Variants in CAB39 observed in about 807,000 individuals in gnomAD.
CAB39 encodes calcium binding protein 39, also known as calcium-binding protein 39.
Under a neutral mutation model 40.0 loss-of-function variants are expected in CAB39, and 8 were observed. The ratio of observed to expected loss-of-function variants is 0.20; its 90% CI spans 0.12 to 0.36. The LOEUF (loss-of-function observed/expected upper bound fraction) is 0.36, where lower values mean the gene tolerates loss of function less well. CAB39 is among the 10% of genes least tolerant of loss of function. The pLI is 1.00. For synonymous variants in CAB39, 156 were observed against 141.6 expected, an observed-to-expected ratio of 1.10 and a Z score of -0.72; for missense variants, 270 against 401.1, an observed-to-expected ratio of 0.67 and a Z score of 2.79.
chr2:230,716,562 A>G (rs1431988882), intron 1 of CAB39, among the ~76,000 whole-genome samples: 1 of 152,134 alleles, frequency 6.6e-6, no homozygotes. Context: ...TTATTTTTTA[A>G]TTTAAAAAAT....
chr2:230,714,177 A>G (rs1694306828), intron 1 of CAB39: 1 of 152,208 alleles, frequency 6.6e-6, no homozygotes, highest in African/African-American at 2.4e-5. Context: ...TTGGGGCCAG[A>G]TCCTTGAATG....
intron 1 of CAB39, among the ~76,000 whole-genome samples, chr2:230,753,743 CAAAAAAAAAAAAAAAA>C (rs1695131446): frequency 1.2e-5 from 1 of 85,524 alleles, no homozygotes; most frequent in African/African-American, 3.8e-5. Flanking sequence ...GACTCCATCT[CAAAAAAAAAAAAAAAA>C]GAAAAGAAAA....
intron 2 of CAB39, among the ~76,000 whole-genome samples, chr2:230,785,359 A>G (rs1404921042): frequency 1.0e-5 from 1 of 99,098 alleles, no homozygotes; most frequent in Non-Finnish European, 1.9e-5. Context: ...TGTGGGTAGT[A>G]GCTGGGCAGG....
At chr2:230,750,577 T>G (rs1695068314) in intron 1 of CAB39, among the ~76,000 whole-genome samples, 1 of 152,190 alleles carries the variant, frequency 6.6e-6, no homozygotes, top group African/African-American at 2.4e-5. Flanking sequence ...CTTTTATTTT[T>G]TTTTTACTTC....
chr2:230,779,488 C>T (rs1365537889), intron 2 of CAB39: 1 of 152,222 alleles, frequency 6.6e-6, no homozygotes, highest in Admixed American at 6.5e-5. Context: ...GGGCTGTTCT[C>T]TTATGCCTTT....
chr2:230,727,444 T>TTGC (rs1694607131), intron 1 of CAB39, among the ~76,000 whole-genome samples: 1 of 148,884 alleles, frequency 6.7e-6, no homozygotes, highest in African/African-American at 2.5e-5. Context: ...AGACAGGGTC[T>TTGC]TGCTCTATCA....
At chr2:230,714,013 G>C (rs555509680) in intron 1 of CAB39, 6 of 152,476 alleles carry the variant, frequency 3.9e-5, no homozygotes, top group Non-Finnish European at 8.8e-5. Flanking sequence ...GCTGAGCAGA[G>C]TCTTGAAGGC....
intron 1 of CAB39, among the ~76,000 whole-genome samples, chr2:230,733,007 C>G (rs1050610746): frequency 6.6e-6 from 1 of 152,042 alleles, no homozygotes; most frequent in African/African-American, 2.4e-5. Context: ...CCAGGACTAA[C>G]AAATATTTAT....
chr2:230,737,249 G>T (rs1414793102), intron 1 of CAB39, among the ~76,000 whole-genome samples: 1 of 152,118 alleles, frequency 6.6e-6, no homozygotes, highest in Non-Finnish European at 1.5e-5. Context: ...ACCCTCACCT[G>T]CTGCAGATCT....
chr2:230,790,830 A>G (rs773163267), intron 2 of CAB39, 42 bp from the exon 3 acceptor site: 1 of 1,524,294 alleles, frequency 6.6e-7, no homozygotes, highest in Non-Finnish European at 8.9e-7. Context: ...GTTAAAATGA[A>G]TTGTTTTTTC....
At chr2:230,811,123 A>C (rs897331333) in intron 6 of CAB39, among the ~76,000 whole-genome samples, 4 of 152,232 alleles carry the variant, frequency 2.6e-5, no homozygotes, top group Non-Finnish European at 5.9e-5. Flanking sequence ...GGTTAGAAGA[A>C]TGACAATCCA....
At chr2:230,812,458 C>T (rs928277416) in intron 6 of CAB39, among the ~76,000 whole-genome samples, 1 of 152,188 alleles carries the variant, frequency 6.6e-6, no homozygotes, top group Non-Finnish European at 1.5e-5. Context: ...CACATACATA[C>T]TTTTCAGGCA....
intron 2 of CAB39, among the ~76,000 whole-genome samples, chr2:230,773,314 A>ATATATATATATG (rs371297550): frequency 3.0e-5 from 4 of 132,630 alleles, no homozygotes; most frequent in African/African-American, 1.2e-4. Flanking sequence ...ATATATATAT[A>ATATATATATATG]TGTGTGTGTG....
chr2:230,757,358 A>G (rs1695210969), intron 1 of CAB39, among the ~76,000 whole-genome samples: 2 of 152,152 alleles, frequency 1.3e-5, no homozygotes, highest in Non-Finnish European at 2.9e-5. Flanking sequence ...TAGACTCCCA[A>G]AGTGCTGAGA....
At position 230,808,177 on chromosome 2, in the gene CAB39, C is replaced by T. The variant is rs1317053704; in HGVS notation, c.568-2086C>T. On this transcript the variant is annotated intron_variant, in intron 5 of 8. Coordinates refer to ENST00000258418, the MANE Select transcript of CAB39 (RefSeq NM_016289.4). ...TTTCAGCTCAGTGCAACTTCCACCTCCTGGGTTCAAGCGATTCTCCTGCCT... is the reference window on the plus strand; with the variant it reads ...TTTCAGCTCAGTGCAACTTCCACCTTCTGGGTTCAAGCGATTCTCCTGCCT... Among the ~76,000 whole-genome samples the T allele has an allele frequency of 3.9e-5, 6 of 151,994 alleles. No homozygotes were observed. The East Asian group carries it at 9.7e-4, about 24-fold the overall frequency.
At position 230,760,143 on chromosome 2, in the gene CAB39, A is replaced by G. The variant is rs916506258; in HGVS notation, c.114+28A>G. The G allele has an allele frequency of 2.2e-6, 3 of 1,381,430 alleles. No individual in the cohort carries two copies. The East Asian group carries it at 6.9e-5, about 32-fold the overall frequency. The allele number at this position is 1,381,430 out of a possible 1,614,324, so 85.6% of individuals were successfully genotyped here. On this transcript the variant is annotated intron_variant, in intron 2 of 8. Transcript: ENST00000258418. ...ATGGATTTGGCTTTATTTATATTTG[A>G]AATATCTTAATTAGCAAATGCAAGA...
intron 1 of CAB39, among the ~76,000 whole-genome samples, chr2:230,749,986 A>G (rs2124904810): frequency 6.6e-6 from 1 of 152,332 alleles, no homozygotes; most frequent in Admixed American, 6.5e-5. Context: ...ATATTTGAAC[A>G]AACTAGCCAA....
chr2:230,762,562 G>A (rs2124922313), intron 2 of CAB39, among the ~76,000 whole-genome samples: 1 of 152,296 alleles, frequency 6.6e-6, no homozygotes, highest in South Asian at 2.1e-4. Context: ...GAGTAGACAT[G>A]ATACATGTCT....
chr2:230,808,051 T>TTTTTCTTTTCTTTTC (rs139203634), intron 5 of CAB39, among the ~76,000 whole-genome samples: 1 of 147,914 alleles, frequency 6.8e-6, no homozygotes, highest in Non-Finnish European at 1.5e-5. Flanking sequence ...CCAGGCACTT[T>TTTTTCTTTTCTTTTC]TTTTCTTTTC....
Sources: gnomAD v4.1 joint callset for allele counts (sites outside exome capture counted in the v4.1 genomes callset) on GRCh38, gnomAD v4.1.1 for gene constraint, MANE v1.5 for transcripts, NCBI Gene and HGNC (gene_info 2026-07-23, HGNC 2026-07-21) for gene names.